Variants in CDH8 observed in about 807,000 individuals in gnomAD.
CDH8 encodes the protein cadherin 8, also known as cadherin-8.
CDH8 carries 17 observed loss-of-function variants against 68.1 expected under a neutral mutation model. The ratio of observed to expected loss-of-function variants is 0.25; its 90% CI spans 0.17 to 0.37. The LOEUF is 0.37. Among genes scored for constraint, CDH8 ranks in the 10% least tolerant of loss-of-function variants. The pLI is 1.00. For synonymous variants in CDH8, 372 were observed against 365.1 expected (o/e 1.02, Z -0.21); for missense variants, 763 against 999.3 (o/e 0.76, Z 3.19).
At chr16:61,801,305 A>T (rs1567476668) in intron 7 of CDH8, among the ~76,000 whole-genome samples, 1 of 152,234 alleles carries the variant, frequency 6.6e-6, no homozygotes, top group South Asian at 2.1e-4. Flanking sequence ...TTAACTTGCC[A>T]CTATGAGGTT....
chr16:61,947,291 C>T (rs919044141), intron 2 of CDH8, among the ~76,000 whole-genome samples: 1 of 152,096 alleles, frequency 6.6e-6, no homozygotes, highest in African/African-American at 2.4e-5. Flanking sequence ...TATATGAAAA[C>T]AGTTTGAATT....
chr16:61,876,196 G>C (rs1230374770), intron 3 of CDH8, among the ~76,000 whole-genome samples: 1 of 152,052 alleles, frequency 6.6e-6, no homozygotes, highest in African/African-American at 2.4e-5. Flanking sequence ...CTTTAGGATG[G>C]TAAATTAAGA....
chr16:61,718,148 T>C (rs977799530), intron 9 of CDH8, among the ~76,000 whole-genome samples: 1 of 151,424 alleles, frequency 6.6e-6, no homozygotes, highest in African/African-American at 2.4e-5. Flanking sequence ...TATGTATTTC[T>C]GTTAAATTGG....
intron 10 of CDH8, among the ~76,000 whole-genome samples, chr16:61,678,922 A>G (rs1255971123): frequency 6.6e-6 from 1 of 152,050 alleles, no homozygotes; most frequent in African/African-American, 2.4e-5. Context: ...AACTTTTGAA[A>G]TACTTACATA....
chr16:61,726,190 CTGTT>C (rs955817315), intron 9 of CDH8: 1 of 150,816 alleles, frequency 6.6e-6, no homozygotes, highest in Non-Finnish European at 1.5e-5. Context: ...CTGTCAGCTG[CTGTT>C]TATTTAAATT....
At chr16:61,782,886 A>C (rs1961120151) in intron 8 of CDH8, among the ~76,000 whole-genome samples, 1 of 152,134 alleles carries the variant, frequency 6.6e-6, no homozygotes, top group Non-Finnish European at 1.5e-5. Flanking sequence ...GTCCTGTGTT[A>C]GAAGGAAAAC....
intron 10 of CDH8, among the ~76,000 whole-genome samples, chr16:61,686,745 C>T (rs1171240343): frequency 6.6e-6 from 1 of 151,866 alleles, no homozygotes. Context: ...GCTAGAAACC[C>T]TGACAGAGCT....
chr16:62,008,230 C>T (rs2150601927), intron 2 of CDH8, among the ~76,000 whole-genome samples: 1 of 152,194 alleles, frequency 6.6e-6, no homozygotes, highest in African/African-American at 2.4e-5. Context: ...AGCCACTGCG[C>T]CCAGCTTAGG....
intron 3 of CDH8, among the ~76,000 whole-genome samples, chr16:61,882,643 T>C (rs577337064): frequency 1.3e-5 from 2 of 152,312 alleles, no homozygotes; most frequent in Admixed American, 1.3e-4. Flanking sequence ...ATACCGCATA[T>C]TCTCACTTAT....
intron 1 of CDH8, among the ~76,000 whole-genome samples, chr16:62,024,347 G>A (rs533916747): frequency 3.3e-5 from 5 of 152,264 alleles, no homozygotes; most frequent in African/African-American, 4.8e-5. Context: ...CTCATGGTAC[G>A]TCAGATAGGA....
At chr16:61,677,133 G>T (rs935163931) in intron 10 of CDH8, among the ~76,000 whole-genome samples, 1 of 151,692 alleles carries the variant, frequency 6.6e-6, no homozygotes, top group Non-Finnish European at 1.5e-5. Flanking sequence ...ATTGGGGTAT[G>T]TTTTTGTCTT....
intron 2 of CDH8, among the ~76,000 whole-genome samples, chr16:61,913,421 A>G (rs1350502807): frequency 6.6e-6 from 1 of 152,156 alleles, no homozygotes; most frequent in African/African-American, 2.4e-5. Flanking sequence ...TGCAAATCCT[A>G]TGCCAGTGTT....
chr16:61,952,965 T>G (rs1049794988), intron 2 of CDH8, among the ~76,000 whole-genome samples: 1 of 152,162 alleles, frequency 6.6e-6, no homozygotes, highest in Admixed American at 6.5e-5. Flanking sequence ...AATATTCCTA[T>G]GTTGAAATTT....
rs28542714 is a variant in CDH8 at position 61,801,614 on chromosome 16, A to C, written c.1278-12132T>G. The stretch of plus-strand genomic sequence containing the variant: ...GCGCAGGCCAGTGGGTGCGTGCACC[A>C]TGCGCGAGCCAAAGCAGGGCGAGGC... On this transcript the variant is annotated intron_variant, in intron 7 of 11. Coordinates refer to ENST00000577390, the MANE Select transcript of CDH8 (RefSeq NM_001796.5). 2.6e-5 allele frequency among the ~76,000 whole-genome samples: 4 copies of C among 152,072 alleles called. No homozygotes were observed. The East Asian group carries it at 5.8e-4, about 22-fold the overall frequency.
At chr16:61,833,201 T>C (rs970449296) in intron 4 of CDH8, among the ~76,000 whole-genome samples, 1 of 151,430 alleles carries the variant, frequency 6.6e-6, no homozygotes, top group Admixed American at 6.6e-5. Flanking sequence ...ACATTATATA[T>C]GTATAATATT....
In CDH8 at chr16:61,706,487, G is replaced by A. The variant is rs1305029471; in HGVS notation, c.1654+7354C>T. Among the ~76,000 whole-genome samples the A allele has an allele frequency of 2.0e-5, 3 of 151,994 alleles. No homozygotes were observed. In the South Asian group the frequency reaches 6.2e-4, roughly 31 times the overall value. On this transcript the variant is annotated intron_variant, in intron 10 of 11. Transcript: ENST00000577390. The stretch of plus-strand genomic sequence containing the variant: ...AAAAAAAAAATTAGCCGGGCGTGGT[G>A]GCGGGCGCCTGTAGTCCCGGCTACT...
chr16:61,676,906 G>T (rs1963923608), intron 10 of CDH8, among the ~76,000 whole-genome samples: 1 of 152,004 alleles, frequency 6.6e-6, no homozygotes. Context: ...ACTTTGTAGG[G>T]TGACGAAAAT....
chr16:61,930,135 C>T (rs1330723652), intron 2 of CDH8, among the ~76,000 whole-genome samples: 2 of 151,970 alleles, frequency 1.3e-5, no homozygotes, highest in Non-Finnish European at 2.9e-5. Flanking sequence ...CAACTACTTA[C>T]TTATATTTGT....
At position 61,857,197 on chromosome 16, in the gene CDH8, G is replaced by C; in HGVS notation, c.589C>G (p.Pro197Ala). The change falls in exon 4 of 12, where the codon CCA becomes GCA. Residue 197 changes from proline (P) to alanine (A), a missense_variant. Pro to Ala is a conservative substitution (Grantham distance 27). This residue lies in a region of CDH8 where 366 missense variants were observed against 563.1 expected (regional missense o/e 0.65). Coordinates refer to ENST00000577390, the MANE Select transcript of CDH8 (RefSeq NM_001796.5). ...AACTTTGCACTGTTTCCATAAACTGGGTCATCAGCGTCGGTCGCAGTGACG... is the reference window on the plus strand; with the variant it reads ...AACTTTGCACTGTTTCCATAAACTGCGTCATCAGCGTCGGTCGCAGTGACG... ...TNVTATDADD[P>A]VYGNSAKLVY... The C allele has an allele frequency of 1.2e-6, 2 of 1,612,756 alleles. No individual in the cohort carries two copies. Among genetic ancestry groups the C allele is most frequent in the Non-Finnish European group, 8.5e-7 (1 of 1,179,028 alleles).
Sources: gnomAD v4.1 joint callset for allele counts (sites outside exome capture counted in the v4.1 genomes callset) on GRCh38, gnomAD v4.1.1 for gene constraint, gnomAD v4.1.1 regional missense constraint, MANE v1.5 for transcripts, NCBI Gene and HGNC (gene_info 2026-07-23, HGNC 2026-07-21) for gene names.